Variants in CYP3A5 observed in about 807,000 individuals in gnomAD.
The protein encoded by CYP3A5 is cytochrome P450 3A5.
In CYP3A5, 51 loss-of-function variants were observed where a neutral mutation model predicts 55.9. That is an observed-to-expected ratio of 0.91 (90% confidence interval 0.73 to 1.15). The LOEUF (loss-of-function observed/expected upper bound fraction) is 1.15. CYP3A5 is among the 50% of genes most tolerant of loss of function. The pLI, the probability that CYP3A5 is intolerant of heterozygous loss-of-function variation, is 0.00. For missense variants in CYP3A5, 533 were observed against 596.6 expected (o/e 0.89, Z 1.11); for synonymous variants, 196 against 213.9 (o/e 0.92, Z 0.73).
chr7:99,657,034 C>T (rs914491837), intron 10 of CYP3A5, among the ~76,000 whole-genome samples: 11 of 152,194 alleles, frequency 7.2e-5, no homozygotes, highest in South Asian at 2.1e-4. Context: ...AAAACCAGCT[C>T]CTGGATTCAT....
At chr7:99,677,212 C>A (rs1170730392) in intron 1 of CYP3A5, 1 of 985,304 alleles carries the variant, frequency 1.0e-6, no homozygotes, top group African/African-American at 1.7e-5. Flanking sequence ...AGACCTTCCC[C>A]CTCCGGTGTG....
intron 11 of CYP3A5, among the ~76,000 whole-genome samples, chr7:99,651,429 G>A (rs1227383869): frequency 1.3e-5 from 2 of 152,126 alleles, no homozygotes; most frequent in Non-Finnish European, 2.9e-5. Context: ...GAAGTACAGC[G>A]AGTGGTCTCT....
intron 5 of CYP3A5, 62 bp from the exon 6 acceptor site, chr7:99,666,751 T>C: frequency 6.2e-7 from 1 of 1,612,956 alleles, no homozygotes; most frequent in Non-Finnish European, 8.5e-7. Context: ...CAGAAGGATA[T>C]GGCTTTCTCC....
chr7:99,667,179 T>C, intron 4 of CYP3A5, 114 bp from the exon 5 acceptor site: 2 of 1,074,566 alleles, frequency 1.9e-6, no homozygotes, highest in Middle Eastern at 2.1e-4. Flanking sequence ...CTGTATATGA[T>C]ATTATGGCAA....
intron 1 of CYP3A5, 107 bp from the exon 2 acceptor site, chr7:99,676,315 A>G: frequency 1.9e-6 from 3 of 1,576,978 alleles, no homozygotes; most frequent in Non-Finnish European, 1.7e-6. Context: ...GGTAATATGT[A>G]CACGATAAAT....
chr7:99,655,989 T>C (rs1809683949), intron 10 of CYP3A5, among the ~76,000 whole-genome samples: 1 of 152,232 alleles, frequency 6.6e-6, no homozygotes, highest in South Asian at 2.1e-4. Flanking sequence ...GCTGAGACGA[T>C]GGGGTTTTCT....
At chr7:99,668,892 C>A (rs1018803969) in intron 4 of CYP3A5, among the ~76,000 whole-genome samples, 3 of 152,122 alleles carry the variant, frequency 2.0e-5, no homozygotes, top group East Asian at 3.8e-4. Context: ...GTGTTTGTGG[C>A]AATTTGGCAA....
At position 99,676,062 on chromosome 7, in the gene CYP3A5, T is replaced by C. The variant is rs571446497; in HGVS notation, c.165+53A>G. ...GGAGGGGCATTTTTACTGATGGAAC[T>C]AAGCTGATGTTTGCAACCATAAGAA... is the stretch of plus-strand genomic sequence containing the variant. On this transcript the variant is annotated intron_variant, in intron 2 of 12. Transcript: ENST00000222982. 9.9e-6 allele frequency: 15 copies of C among 1,511,814 alleles called. No individual in the cohort carries two copies. In the Admixed American group the frequency reaches 2.4e-4, roughly 24 times the overall value. The allele number at this position is 1,511,814 out of a possible 1,614,324, so 93.6% of individuals were successfully genotyped here.
intron 10 of CYP3A5, among the ~76,000 whole-genome samples, chr7:99,655,454 C>T (rs975517069): frequency 3.3e-5 from 5 of 152,186 alleles, no homozygotes; most frequent in African/African-American, 1.2e-4. Context: ...GTTTTGGTAC[C>T]AGTACCATGC....
Position 99,653,777 on chromosome 7 carries a change from G to C in CYP3A5, c.1027-998C>G, listed in dbSNP as rs1171588198. 6.6e-6 allele frequency among the ~76,000 whole-genome samples: 1 copy of C among 152,200 alleles called. No individual in the cohort carries two copies. Among genetic ancestry groups the C allele is most frequent in the Non-Finnish European group, 1.5e-5 (1 of 68,026 alleles). On this transcript the variant is annotated intron_variant, in intron 10 of 12. Coordinates refer to ENST00000222982, the MANE Select transcript of CYP3A5 (RefSeq NM_000777.5). This position sits in a 1 kb window ranked among gnomAD's most constrained non-coding sequence, Gnocchi z 4.2. ...AAAAAGAATCCCAGTTTGGGCAGAA[G>C]TCTGAAAACTGTGGATGATATGTAC...
At chr7:99,678,620 G>C (rs1262161327) in intron 1 of CYP3A5, among the ~76,000 whole-genome samples, 1 of 152,146 alleles carries the variant, frequency 6.6e-6, no homozygotes, top group African/African-American at 2.4e-5. Context: ...TAACAGCCCT[G>C]TTTTACCATC....
intron 10 of CYP3A5, 88 bp from the exon 11 acceptor site, chr7:99,652,867 C>T: frequency 1.0e-6 from 1 of 957,250 alleles, no homozygotes; most frequent in Non-Finnish European, 1.6e-6. Flanking sequence ...GTATTAGAAG[C>T]TCCAGAGAAT....
chr7:99,658,995 C>G (rs1476922122), intron 10 of CYP3A5: 1 of 152,110 alleles, frequency 6.6e-6, no homozygotes, highest in East Asian at 1.9e-4. Flanking sequence ...AATCTTTTTT[C>G]AAGGTTTTTA....
At chr7:99,649,265 G>T (rs1808921256) in intron 12 of CYP3A5, among the ~76,000 whole-genome samples, 1 of 152,180 alleles carries the variant, frequency 6.6e-6, no homozygotes, top group African/African-American at 2.4e-5. Context: ...CCATAGATAA[G>T]ATGGCAACCA....
At chr7:99,678,504 G>A (rs532843644) in intron 1 of CYP3A5, among the ~76,000 whole-genome samples, 2 of 152,152 alleles carry the variant, frequency 1.3e-5, no homozygotes, top group Non-Finnish European at 2.9e-5. Flanking sequence ...TTGAAAAGAC[G>A]TGCAGTCTTG....
chr7:99,662,732 TG>T lies in CYP3A5; in HGVS notation c.865+83del. ...TATGTGGCAAAAATTCTCATCTTCC[TG>T]GAATACTTCCTGCACATTTTCAGAA... On this transcript the variant is annotated intron_variant, in intron 9 of 12. Coordinates refer to ENST00000222982, the MANE Select transcript of CYP3A5 (RefSeq NM_000777.5). This position sits in a 1 kb window ranked among gnomAD's most constrained non-coding sequence, Gnocchi z 4.3. 1 of 1,335,040 alleles carries T rather than the reference TG, an allele frequency of 7.5e-7. No homozygotes were observed. Among genetic ancestry groups the T allele is most frequent in the Non-Finnish European group, 1.1e-6 (1 of 938,666 alleles). 82.7% of individuals were successfully genotyped at this position (1,335,040 alleles called of 1,614,324 possible). A position where few individuals can be genotyped will look rare whatever the true frequency, so the allele number is the denominator to read the frequency against.
intron 4 of CYP3A5, among the ~76,000 whole-genome samples, chr7:99,670,637 T>G (rs1445930175): frequency 6.6e-6 from 1 of 152,206 alleles, no homozygotes; most frequent in East Asian, 1.9e-4. Context: ...TTTTGCCTCT[T>G]TACTGGACTT....
intron 11 of CYP3A5, among the ~76,000 whole-genome samples, chr7:99,651,703 C>T (rs1280196690): frequency 6.6e-6 from 1 of 152,316 alleles, no homozygotes; most frequent in South Asian, 2.1e-4. Flanking sequence ...AAATTTCATT[C>T]TAAATTTTGC....
chr7:99,676,283 A>G (rs779031587), intron 1 of CYP3A5, 75 bp from the exon 2 acceptor site: 1 of 1,604,384 alleles, frequency 6.2e-7, no homozygotes, highest in African/African-American at 1.3e-5. Flanking sequence ...TTACTCAGGA[A>G]CTGGAATGGT....
Sources: allele counts gnomAD v4.1 joint callset (sites outside exome capture counted in the v4.1 genomes callset), GRCh38; gene constraint gnomAD v4.1.1; non-coding constraint Gnocchi (gnomAD v3.1); transcripts MANE v1.5; gene names NCBI Gene and HGNC (gene_info 2026-07-23, HGNC 2026-07-21).